PRKN: variants seen among roughly 807,000 people sequenced by gnomAD.
PRKN encodes the protein parkin RBR E3 ubiquitin protein ligase.
Under a neutral mutation model 59.5 loss-of-function variants are expected in PRKN, and 56 were observed. That is an observed-to-expected ratio of 0.94 (90% confidence interval 0.76 to 1.18). The LOEUF (loss-of-function observed/expected upper bound fraction) is 1.18, where lower values mean the gene tolerates loss of function less well. PRKN is among the 50% of genes most tolerant of loss of function. The pLI is 0.00. For missense variants in PRKN, 657 were observed against 596.4 expected (o/e 1.10, Z -1.06); for synonymous variants, 250 against 222.1 (o/e 1.13, Z -1.12).
At chr6:162,337,839 T>C (rs1783915953) in intron 2 of PRKN, among the ~76,000 whole-genome samples, 1 of 152,126 alleles carries the variant, frequency 6.6e-6, no homozygotes. Context: ...TTAAATGGAA[T>C]GGGATTATAG....
chr6:162,331,361 T>C (rs1299045451), intron 2 of PRKN, among the ~76,000 whole-genome samples: 1 of 152,174 alleles, frequency 6.6e-6, no homozygotes, highest in Non-Finnish European at 1.5e-5. Context: ...TTAACTTTCC[T>C]TTCAGGTCTC....
chr6:161,898,533 C>T (rs1479931621), intron 6 of PRKN, among the ~76,000 whole-genome samples: 3 of 152,170 alleles, frequency 2.0e-5, no homozygotes, highest in Admixed American at 1.3e-4. Context: ...CTCCTCACAG[C>T]CATCGTTTAT....
Position 161,379,641 on chromosome 6 carries a change from G to T in PRKN, c.1167+7153C>A, listed in dbSNP as rs1325568940. On this transcript the variant is annotated intron_variant, in intron 10 of 11. Coordinates refer to ENST00000366898, the MANE Select transcript of PRKN (RefSeq NM_004562.3). The surrounding 1 kb of genome is among the most constrained non-coding windows in gnomAD (Gnocchi z 4.9). ...CCCAAAGCCTTTCTTCCTTCTGCGG[G>T]AAGCCCACATCGAAAACCTGGTCTA... Among the ~76,000 whole-genome samples, 2 of 152,160 alleles carry T rather than the reference G, an allele frequency of 1.3e-5. No individual in the cohort carries two copies.
At chr6:161,577,787 C>T (rs1178659265) in intron 7 of PRKN, among the ~76,000 whole-genome samples, 1 of 152,160 alleles carries the variant, frequency 6.6e-6, no homozygotes, top group African/African-American at 2.4e-5. Context: ...TTAATCCAAA[C>T]ATCCTTGCTG....
At chr6:161,729,036 A>G (rs187241864) in intron 7 of PRKN, among the ~76,000 whole-genome samples, 322 of 152,340 alleles carry the variant, frequency 2.1e-3, no homozygotes, top group Admixed American at 0.017. Flanking sequence ...ACAGTTGAAA[A>G]AGATGAATGA....
At chr6:161,906,336 G>C (rs1457722438) in intron 6 of PRKN, among the ~76,000 whole-genome samples, 1 of 152,144 alleles carries the variant, frequency 6.6e-6, no homozygotes, top group Non-Finnish European at 1.5e-5. Context: ...ATAGGTACAG[G>C]AATCCATGTT....
intron 9 of PRKN, among the ~76,000 whole-genome samples, chr6:161,412,245 C>T (rs1478655180): frequency 1.3e-5 from 2 of 150,478 alleles, no homozygotes; most frequent in Non-Finnish European, 3.0e-5. Context: ...CATTCCTCCA[C>T]TCACTCATTC....
intron 2 of PRKN, among the ~76,000 whole-genome samples, chr6:162,346,732 G>A (rs1784420361): frequency 6.6e-6 from 1 of 151,968 alleles, no homozygotes; most frequent in Non-Finnish European, 1.5e-5. Flanking sequence ...AGCATCTACT[G>A]AGATCATGTA....
chr6:162,140,315 G>C (rs1424547640), intron 4 of PRKN, among the ~76,000 whole-genome samples: 1 of 152,078 alleles, frequency 6.6e-6, no homozygotes, highest in Non-Finnish European at 1.5e-5. Flanking sequence ...GAAACATATG[G>C]CAGGTAATCA....
intron 2 of PRKN, among the ~76,000 whole-genome samples, chr6:162,399,568 C>T (rs75667012): frequency 5.3e-5 from 8 of 152,162 alleles, no homozygotes; most frequent in Non-Finnish European, 1.0e-4. Context: ...CATGCATGCA[C>T]ACAATCTATA....
intron 7 of PRKN, among the ~76,000 whole-genome samples, chr6:161,702,002 T>C (rs1452926368): frequency 1.3e-5 from 2 of 152,238 alleles, no homozygotes; most frequent in African/African-American, 4.8e-5. Flanking sequence ...ACTGCACTTT[T>C]ACTTAGCTTA....
At chr6:162,402,018 G>C (rs1164150304) in intron 2 of PRKN, among the ~76,000 whole-genome samples, 1 of 152,104 alleles carries the variant, frequency 6.6e-6, no homozygotes, top group Non-Finnish European at 1.5e-5. Flanking sequence ...GAGAGGCCAA[G>C]GCAGGAGGAT....
At chr6:162,404,083 C>A (rs763111120) in intron 2 of PRKN, among the ~76,000 whole-genome samples, 48 of 152,166 alleles carry the variant, frequency 3.2e-4, no homozygotes, top group Non-Finnish European at 5.6e-4. Flanking sequence ...TAGAAATAAT[C>A]CTTTTTGGCC....
chr6:161,355,656 T>C lies in PRKN; in HGVS notation c.1285+4432A>G, dbSNP rs1288129570. On this transcript the variant is annotated intron_variant, in intron 11 of 11. Transcript: ENST00000366898. This position sits in a 1 kb window ranked among gnomAD's most constrained non-coding sequence, Gnocchi z 6.8. ...CTTGAACTCAAGCGATCTGCCAGCC[T>C]CGGCCTCCCAAAGTGCTGGGATTAC... is the stretch of plus-strand genomic sequence containing the variant. 6.6e-6 allele frequency among the ~76,000 whole-genome samples: 1 copy of C among 152,178 alleles called. No individual in the cohort carries two copies. The highest frequency in any genetic ancestry group is 1.9e-4 in the East Asian group (1 of 5,190).
intron 4 of PRKN, among the ~76,000 whole-genome samples, chr6:162,188,501 A>C (rs1299220040): frequency 1.3e-5 from 2 of 152,192 alleles, no homozygotes; most frequent in African/African-American, 4.8e-5. Context: ...ATCAATGTCC[A>C]CATAGGCCCT....
chr6:161,729,794 CT>C (rs1384592771), intron 7 of PRKN, among the ~76,000 whole-genome samples: 2 of 151,962 alleles, frequency 1.3e-5, no homozygotes, highest in Admixed American at 1.3e-4. Flanking sequence ...TTCTGACATG[CT>C]GCATTCTTCC....
At chr6:162,058,475 T>C (rs1777957290) in intron 4 of PRKN, among the ~76,000 whole-genome samples, 2 of 152,298 alleles carry the variant, frequency 1.3e-5, no homozygotes, top group East Asian at 1.9e-4. Flanking sequence ...CTGGTGGCAA[T>C]TCCCAGTGAA....
chr6:161,901,895 G>C (rs1026232847), intron 6 of PRKN, among the ~76,000 whole-genome samples: 3 of 152,130 alleles, frequency 2.0e-5, no homozygotes, highest in African/African-American at 7.2e-5. Flanking sequence ...CTTCAGCTTG[G>C]GCTGCGAGGT....
Position 161,741,418 on chromosome 6 carries a change from C to T in PRKN, c.871+44354G>A, listed in dbSNP as rs372942088. Among the ~76,000 whole-genome samples the T allele has an allele frequency of 9.9e-5, 15 of 152,230 alleles. No individual in the cohort carries two copies. In the South Asian group the frequency reaches 1.5e-3, roughly 15 times the overall value. ...AACTGAACGGAGTTGACACCAAGGC[C>T]GAAGGTGGCTGCCTTGTACCGGACG... On this transcript the variant is annotated intron_variant, in intron 7 of 11. Transcript: ENST00000366898.
Sources: gnomAD v4.1 joint callset for allele counts (sites outside exome capture counted in the v4.1 genomes callset) on GRCh38, gnomAD v4.1.1 for gene constraint, Gnocchi (gnomAD v3.1) non-coding constraint, MANE v1.5 for transcripts, NCBI Gene and HGNC (gene_info 2026-07-23, HGNC 2026-07-21) for gene names.